The following RPS10 variants were observed in gnomAD, a reference collection of about 807,000 sequenced individuals.
RPS10 encodes the protein ribosomal protein S10, also known as small ribosomal subunit protein eS10.
A neutral mutation model predicts 22.6 loss-of-function variants in RPS10; 2 were observed. The ratio of observed to expected loss-of-function variants is 0.09; its 90% CI spans 0.04 to 0.28. The LOEUF is 0.28. Ranked by LOEUF, RPS10 falls within the 10% of genes least tolerant of loss-of-function variation. RPS10 has a pLI of 1.00. For synonymous variants in RPS10, 70 were observed against 75.9 expected, an observed-to-expected ratio of 0.92 and a Z score of 0.40; for missense variants, 137 against 222.2, an observed-to-expected ratio of 0.62 and a Z score of 2.44.
chr6:34,417,521 A>G lies in RPS10; in HGVS notation c.483T>C (p.Gly161=), dbSNP rs1561936208. The G allele has an allele frequency of 2.5e-6, 4 of 1,612,806 alleles. No homozygotes were observed. The highest frequency in any genetic ancestry group is 3.4e-6 in the Non-Finnish European group (4 of 1,179,912). Residue 161 remains glycine (G), a synonymous_variant, in exon 6 of 6, where the codon GGT becomes GGC. Transcript: ENST00000648437. The part of the protein sequence containing the change: ...QFRGGFGRGR[G]QPPQ ...CTCTCCAATTTTACTGAGGTGGCTGACCACGTCCACGACCAAATCCGCCTC... is the reference window on the plus strand; with the variant it reads ...CTCTCCAATTTTACTGAGGTGGCTGGCCACGTCCACGACCAAATCCGCCTC...
rs16889714 is a variant in RPS10, at chr6:34,417,740, A to T, written c.457-193T>A. 74,315 of 722,614 alleles carry T rather than the reference A, an allele frequency of 0.1. 9,640 individuals are homozygous for T. The highest frequency in any genetic ancestry group is 0.49 in the East Asian group (18,428 of 37,272). The allele number at this position is 722,614 out of a possible 1,614,324, so 44.8% of individuals were successfully genotyped here. ...GGGGCCATATCTAACATCTAGGCCC[A>T]TTTCTTCATTGGTAAAGTGGGAGTA... On this transcript the variant is annotated intron_variant, in intron 5 of 5. Transcript: ENST00000648437.
intron 3 of RPS10, 51 bp downstream of exon 3, chr6:34,424,618 A>T (rs752695373): frequency 6.2e-7 from 1 of 1,610,338 alleles, no homozygotes; most frequent in Non-Finnish European, 8.5e-7. Context: ...TGTCCCTTAC[A>T]CAAAAGAAAC....
intron 3 of RPS10, 97 bp downstream of exon 3, chr6:34,424,572 G>A (rs1213806676): frequency 2.4e-5 from 36 of 1,522,298 alleles, no homozygotes; most frequent in African/African-American, 5.5e-5. Context: ...CTGCAGGCCA[G>A]AGCCCTCTAA....
chr6:34,423,437 GAACTCCTTTTAGAGCAGAAATA>G (rs1449881787), intron 3 of RPS10, among the ~76,000 whole-genome samples: 1 of 152,166 alleles, frequency 6.6e-6, no homozygotes, highest in Non-Finnish European at 1.5e-5. Flanking sequence ...CAGGCAGAAT[GAACTCCTTTTAGAGCAGAAATA>G]AATTAATCAT....
At chr6:34,418,294 C>T in intron 5 of RPS10, 75 bp downstream of exon 5, 1 of 1,611,080 alleles carries the variant, frequency 6.2e-7, no homozygotes, top group Non-Finnish European at 8.5e-7. Flanking sequence ...TATGACATCC[C>T]CACAACTTGC....
intron 5 of RPS10, 112 bp from the exon 6 acceptor site, chr6:34,417,659 G>A (rs1250897787): frequency 2.6e-5 from 26 of 998,252 alleles, no homozygotes; most frequent in Non-Finnish European, 2.2e-5. Flanking sequence ...AATGTAAACA[G>A]CTGGGAGAGA....
intron 1 of RPS10, chr6:34,425,735 C>T (rs1765937911): frequency 1.2e-5 from 2 of 171,214 alleles, no homozygotes; most frequent in South Asian, 1.3e-4. Context: ...AGGAGGCAGT[C>T]GGGGGAGTCC....
chr6:34,418,002 T>C, intron 5 of RPS10: 1 of 698,432 alleles, frequency 1.4e-6, no homozygotes, highest in Non-Finnish European at 2.6e-6. Flanking sequence ...ATGGAGAAAC[T>C]GAGGCAGAGG....
chr6:34,421,437 ACC>A (rs373991330), intron 4 of RPS10, among the ~76,000 whole-genome samples: 1 of 140,592 alleles, frequency 7.1e-6, no homozygotes, highest in African/African-American at 2.7e-5. Context: ...GCCCACTTCG[ACC>A]CCCCCCCTCC....
intron 3 of RPS10, chr6:34,424,203 T>C (rs924780941): frequency 3.5e-5 from 4 of 115,564 alleles, no homozygotes; most frequent in African/African-American, 1.4e-4. Context: ...AATCAGAAGA[T>C]AATTCTCCTC....
chr6:34,419,702 G>A (rs577008785), intron 4 of RPS10, among the ~76,000 whole-genome samples: 1 of 151,658 alleles, frequency 6.6e-6, no homozygotes, highest in Non-Finnish European at 1.5e-5. Context: ...CTCATGCTCC[G>A]AGTAGCTGGG....
intron 4 of RPS10, 66 bp downstream of exon 4, chr6:34,421,664 G>C: frequency 6.3e-7 from 1 of 1,590,126 alleles, no homozygotes; most frequent in Non-Finnish European, 8.6e-7. Flanking sequence ...CACCCAGCCA[G>C]AGCCAGCTGT....
chr6:34,425,340 A>C, intron 1 of RPS10, 119 bp from the exon 2 acceptor site: 1 of 1,307,798 alleles, frequency 7.6e-7, no homozygotes, highest in Non-Finnish European at 1.1e-6. Context: ...TGGTGGGAAG[A>C]CTCAACTCCA....
intron 3 of RPS10, among the ~76,000 whole-genome samples, chr6:34,423,515 A>G (rs368749228): frequency 2.8e-4 from 42 of 152,376 alleles, no homozygotes; most frequent in African/African-American, 9.4e-4. Flanking sequence ...AAATCAGAAT[A>G]TATCAAGCAC....
intron 5 of RPS10, chr6:34,418,059 A>G: frequency 9.2e-6 from 8 of 867,036 alleles, no homozygotes; most frequent in Non-Finnish European, 1.0e-5. Flanking sequence ...GGAGGATTTG[A>G]TTTCATACCA....
chr6:34,423,596 T>A (rs539972769), intron 3 of RPS10, among the ~76,000 whole-genome samples: 13 of 152,226 alleles, frequency 8.5e-5, no homozygotes, highest in South Asian at 4.2e-4. Context: ...TAAAAAGACG[T>A]ATTATGGGCT....
At chr6:34,423,761 A>G (rs1013759898) in intron 3 of RPS10, among the ~76,000 whole-genome samples, 1 of 152,110 alleles carries the variant, frequency 6.6e-6, no homozygotes, top group Admixed American at 6.6e-5. Flanking sequence ...CTGGGCGCCT[A>G]TAATCCCAGT....
intron 4 of RPS10, 56 bp from the exon 5 acceptor site, chr6:34,418,480 A>C: frequency 6.2e-7 from 1 of 1,612,742 alleles, no homozygotes; most frequent in Non-Finnish European, 8.5e-7. Flanking sequence ...ACTATAGAAC[A>C]AGGGAAGACA....
chr6:34,424,981 T>C, intron 2 of RPS10, 91 bp downstream of exon 2: 1 of 1,608,442 alleles, frequency 6.2e-7, no homozygotes, highest in East Asian at 2.2e-5. Context: ...CCTTGAACCT[T>C]AGGGGAAGAT....
Sources: allele counts gnomAD v4.1 joint callset (sites outside exome capture counted in the v4.1 genomes callset), GRCh38; gene constraint gnomAD v4.1.1; transcripts MANE v1.5; gene names NCBI Gene and HGNC (gene_info 2026-07-23, HGNC 2026-07-21).